Variants in GDAP1 observed in about 807,000 individuals in gnomAD.
GDAP1 encodes ganglioside-induced differentiation-associated protein 1.
A neutral mutation model predicts 40.1 loss-of-function variants in GDAP1; 34 were observed. That is an observed-to-expected ratio of 0.85 (90% CI 0.64 to 1.13). The LOEUF is 1.13. GDAP1 is among the 50% of genes most tolerant of loss of function. The pLI is 0.00. For synonymous variants in GDAP1, 170 were observed against 157.4 expected, an observed-to-expected ratio of 1.08 and a Z score of -0.60; for missense variants, 374 against 433.7, an observed-to-expected ratio of 0.86 and a Z score of 1.22.
chr8:74,378,379 C>T (rs1297549183), intron 2 of GDAP1, among the ~76,000 whole-genome samples: 1 of 152,148 alleles, frequency 6.6e-6, no homozygotes, highest in Non-Finnish European at 1.5e-5. Context: ...CGTTCTTTAC[C>T]TAGATGACAT....
At position 74,365,077 on chromosome 8, in the gene GDAP1, G is replaced by A; in HGVS notation, c.*710G>A. On this transcript the variant is annotated 3_prime_UTR_variant, in exon 6 of 6. Coordinates refer to ENST00000220822, the MANE Select transcript of GDAP1 (RefSeq NM_018972.4). ...CTCTGGATGGTCATGTCCAGTCAGT[G>A]GGAGGTAGAAAGGGTGGCATCTGTA... 1 of 454,000 alleles carries A rather than the reference G, an allele frequency of 2.2e-6. No individual in the cohort carries two copies. The highest frequency in any genetic ancestry group is 1.6e-5 in the South Asian group (1 of 64,470). The allele number at this position is 454,000 out of a possible 1,614,324, so 28.1% of individuals were successfully genotyped here.
At chr8:74,415,530 A>G (rs1423893122) in intron 2 of GDAP1, among the ~76,000 whole-genome samples, 1 of 150,152 alleles carries the variant, frequency 6.7e-6, no homozygotes, top group Non-Finnish European at 1.5e-5. Context: ...TGAGCCAGGC[A>G]GAAAACTGTA....
intron 2 of GDAP1, among the ~76,000 whole-genome samples, chr8:74,486,307 A>G (rs566339400): frequency 6.6e-6 from 1 of 152,168 alleles, no homozygotes; most frequent in Non-Finnish European, 1.5e-5. Context: ...TTCTAATGCC[A>G]TGTTTCATGA....
At chr8:74,478,308 G>C (rs905973946) in intron 2 of GDAP1, among the ~76,000 whole-genome samples, 3 of 152,252 alleles carry the variant, frequency 2.0e-5, no homozygotes, top group African/African-American at 7.2e-5. Flanking sequence ...CAGCTGTGCC[G>C]GCCAAGGGAT....
At chr8:74,412,383 C>G (rs1805726006) in intron 2 of GDAP1, among the ~76,000 whole-genome samples, 1 of 149,910 alleles carries the variant, frequency 6.7e-6, no homozygotes, top group African/African-American at 2.5e-5. Context: ...GAGAGATAGA[C>G]AATATTTGAA....
At chr8:74,413,389 C>T (rs1805739268) in intron 2 of GDAP1, among the ~76,000 whole-genome samples, 1 of 150,042 alleles carries the variant, frequency 6.7e-6, no homozygotes, top group Non-Finnish European at 1.5e-5. Context: ...CTGGATCCAA[C>T]ACAGCCCAGC....
At position 74,405,883 on chromosome 8, in the gene GDAP1, C is replaced by T. The variant is rs564520076; in HGVS notation, c.165+54562C>T. Among the ~76,000 whole-genome samples, 6 of 149,748 alleles carry T rather than the reference C, an allele frequency of 4.0e-5. 1 individual carries two copies. The highest frequency in any genetic ancestry group is 6.6e-5 in the Admixed American group (1 of 15,208). ...TGGAGGCCAGTCATTAATATGACATCGAGACCATGAAGGGGAGATGTTGGG... is the reference window on the plus strand; with the variant it reads ...TGGAGGCCAGTCATTAATATGACATTGAGACCATGAAGGGGAGATGTTGGG... On this transcript the variant is annotated intron_variant, in intron 2 of 2. Coordinates refer to the GDAP1 transcript ENST00000523640.
At chr8:74,391,884 T>C (rs544859033) in intron 2 of GDAP1, among the ~76,000 whole-genome samples, 1 of 152,288 alleles carries the variant, frequency 6.6e-6, no homozygotes, top group East Asian at 1.9e-4. Context: ...AATGGCCCGA[T>C]CTTGGCTCAC....
chr8:74,401,469 A>T (rs1810337323), intron 2 of GDAP1, among the ~76,000 whole-genome samples: 2 of 149,476 alleles, frequency 1.3e-5, no homozygotes, highest in Admixed American at 1.3e-4. Flanking sequence ...TTTTTTTCAA[A>T]GTTTTTAATT....
intron 2 of GDAP1, among the ~76,000 whole-genome samples, chr8:74,421,182 G>A (rs1453355753): frequency 6.6e-6 from 1 of 152,166 alleles, no homozygotes; most frequent in African/African-American, 2.4e-5. Context: ...TCTGATCTGT[G>A]CAGAGGCAAG....
intron 3 of GDAP1, among the ~76,000 whole-genome samples, chr8:74,360,756 T>A (rs1444000080): frequency 6.6e-6 from 1 of 152,208 alleles, no homozygotes; most frequent in Non-Finnish European, 1.5e-5. Flanking sequence ...TGTCTCTATG[T>A]TCAGTGATAG....
intron 2 of GDAP1, among the ~76,000 whole-genome samples, chr8:74,389,125 CTT>C (rs1285574168): frequency 3.3e-5 from 5 of 152,052 alleles, no homozygotes; most frequent in African/African-American, 9.7e-5. Context: ...GGTCTTGACT[CTT>C]TATCTAATGT....
chr8:74,474,021 G>A (rs1806595217), intron 2 of GDAP1, among the ~76,000 whole-genome samples: 1 of 152,054 alleles, frequency 6.6e-6, no homozygotes, highest in Non-Finnish European at 1.5e-5. Context: ...TCACCTCCCT[G>A]GTTAGCTGTA....
At chr8:74,402,074 C>G (rs1810352791) in intron 2 of GDAP1, among the ~76,000 whole-genome samples, 1 of 150,186 alleles carries the variant, frequency 6.7e-6, no homozygotes, top group African/African-American at 2.5e-5. Flanking sequence ...AACCACTGCT[C>G]TCTTCAAAGC....
At chr8:74,408,615 C>G (rs1454379938) in intron 2 of GDAP1, among the ~76,000 whole-genome samples, 1 of 149,970 alleles carries the variant, frequency 6.7e-6, no homozygotes, top group Non-Finnish European at 1.5e-5. Context: ...GAGTTGTCAG[C>G]CTCCAGAACT....
intron 2 of GDAP1, among the ~76,000 whole-genome samples, chr8:74,455,437 A>G (rs989992697): frequency 6.6e-6 from 1 of 152,000 alleles, no homozygotes; most frequent in Non-Finnish European, 1.5e-5. Flanking sequence ...GGTAAGATGT[A>G]TCCTGATATC....
chr8:74,428,983 C>T (rs905920380), intron 2 of GDAP1, among the ~76,000 whole-genome samples: 22 of 150,060 alleles, frequency 1.5e-4, no homozygotes, highest in Non-Finnish European at 1.5e-4. Context: ...TTTGTCCTTG[C>T]GATAGTTTGC....
intron 2 of GDAP1, among the ~76,000 whole-genome samples, chr8:74,411,218 C>G (rs1398132861): frequency 6.7e-6 from 1 of 149,998 alleles, no homozygotes; most frequent in Non-Finnish European, 1.5e-5. Flanking sequence ...ATAAATTGCC[C>G]AGTCTCAGGT....
intron 2 of GDAP1, among the ~76,000 whole-genome samples, chr8:74,466,763 G>C (rs1429993777): frequency 6.6e-6 from 1 of 152,232 alleles, no homozygotes; most frequent in East Asian, 1.9e-4. Flanking sequence ...GTGCAGGTGA[G>C]AGTTCTGATC....
Sources: gnomAD v4.1 joint callset for allele counts (sites outside exome capture counted in the v4.1 genomes callset) on GRCh38, gnomAD v4.1.1 for gene constraint, MANE v1.5 for transcripts, NCBI Gene and HGNC (gene_info 2026-07-23, HGNC 2026-07-21) for gene names.